Variants in COL22A1 observed in about 807,000 individuals in gnomAD.
COL22A1 encodes the protein collagen alpha-1(XXII) chain.
Under a neutral mutation model 248.9 loss-of-function variants are expected in COL22A1, and 221 were observed. The ratio of observed to expected loss-of-function variants is 0.89; its 90% confidence interval spans 0.80 to 0.99. COL22A1 has a LOEUF of 0.99. Among genes scored for constraint, COL22A1 ranks in the 50% least tolerant of loss-of-function variants. COL22A1 has a pLI of 0.00. For missense variants in COL22A1, 2,240 were observed against 2,179.0 expected (o/e 1.03, Z -0.56); for synonymous variants, 891 against 793.4 (o/e 1.12, Z -2.07).
chr8:138,673,206 G>A (rs1046892719), intron 41 of COL22A1, among the ~76,000 whole-genome samples: 5 of 130,602 alleles, frequency 3.8e-5, no homozygotes, highest in East Asian at 2.3e-4. Context: ...ACTTACAGCC[G>A]ATCTATTTTT....
chr8:138,674,623 G>A (rs1484720917), intron 41 of COL22A1, among the ~76,000 whole-genome samples: 3 of 152,236 alleles, frequency 2.0e-5, no homozygotes, highest in African/African-American at 4.8e-5. Context: ...CTGGCTCTTC[G>A]GTGGCAGGTG....
chr8:138,806,028 G>GAT (rs1563787939), intron 10 of COL22A1, among the ~76,000 whole-genome samples: 2 of 106,810 alleles, frequency 1.9e-5, no homozygotes, highest in East Asian at 2.2e-4. Context: ...AATGGTGTGT[G>GAT]GTTGTGTGTG....
At chr8:138,768,898 T>A (rs1037367574) in intron 16 of COL22A1, among the ~76,000 whole-genome samples, 1 of 151,966 alleles carries the variant, frequency 6.6e-6, no homozygotes, top group East Asian at 1.9e-4. Context: ...GATAGTGCCA[T>A]TGCACTCCAG....
chr8:138,742,546 G>A (rs1430556397), intron 22 of COL22A1, among the ~76,000 whole-genome samples: 2 of 152,048 alleles, frequency 1.3e-5, no homozygotes, highest in East Asian at 1.9e-4. Flanking sequence ...TGGAGTTGAT[G>A]AGGGTGATGG....
At chr8:138,744,806 A>G (rs1831974688) in intron 22 of COL22A1, among the ~76,000 whole-genome samples, 1 of 152,042 alleles carries the variant, frequency 6.6e-6, no homozygotes, top group Non-Finnish European at 1.5e-5. Context: ...TACATCTATA[A>G]AGAGAGATTC....
intron 4 of COL22A1, among the ~76,000 whole-genome samples, chr8:138,837,415 G>C (rs73366890): frequency 0.014 from 2,185 of 152,298 alleles, 47 homozygotes; most frequent in African/African-American, 0.049. Context: ...AGCACTCCCT[G>C]TCCCTCATCT....
rs151154397 is a variant in COL22A1, at chr8:138,912,530, C to T, written c.-73+1089G>A. 6.7e-3 allele frequency among the ~76,000 whole-genome samples: 1,024 copies of T among 152,196 alleles called. 11 individuals carry two copies. Among genetic ancestry groups the T allele is most frequent in the African/African-American group, 0.023 (974 of 41,528 alleles). The stretch of plus-strand genomic sequence containing the variant: ...CCAAGGTGGGCGGATCACCTGAGGT[C>T]GGGAGTTGGAGACCAGTCTGACCAA... On this transcript the variant is annotated intron_variant, in intron 1 of 64. Coordinates refer to ENST00000303045, the MANE Select transcript of COL22A1 (RefSeq NM_152888.3).
chr8:138,718,468 C>G (rs1177462697), intron 27 of COL22A1, among the ~76,000 whole-genome samples: 1 of 152,160 alleles, frequency 6.6e-6, no homozygotes, highest in Non-Finnish European at 1.5e-5. Flanking sequence ...GAACACCAAT[C>G]CAAAGGCACA....
At chr8:138,911,614 A>G (rs1325801745) in intron 1 of COL22A1, among the ~76,000 whole-genome samples, 1 of 152,218 alleles carries the variant, frequency 6.6e-6, no homozygotes, top group African/African-American at 2.4e-5. Context: ...GATTCCAGCC[A>G]AAAGAGAAAC....
chr8:138,613,625 A>G (rs1384417950), intron 56 of COL22A1, among the ~76,000 whole-genome samples: 1 of 151,482 alleles, frequency 6.6e-6, no homozygotes, highest in Non-Finnish European at 1.5e-5. Context: ...ATAGAGCTCC[A>G]GCAGTGCCCC....
chr8:138,737,447 TGA>T (rs1172037681), intron 23 of COL22A1, 75 bp downstream of exon 23: 1 of 1,075,688 alleles, frequency 9.3e-7, no homozygotes, highest in Non-Finnish European at 1.4e-6. Context: ...GCTGCCCACC[TGA>T]GAGCTGCTGC....
chr8:138,760,329 G>T, intron 17 of COL22A1, 42 bp from the exon 18 acceptor site: 2 of 1,563,774 alleles, frequency 1.3e-6, no homozygotes, highest in Admixed American at 3.6e-5. Context: ...TGGGCACTAC[G>T]GATACGGTGG....
intron 47 of COL22A1, 31 bp downstream of exon 47, chr8:138,646,598 T>A (rs77067007): frequency 2.2e-4 from 335 of 1,528,802 alleles, no homozygotes; most frequent in Non-Finnish European, 2.9e-4. Flanking sequence ...GCAGAATAGA[T>A]CCATGCAGAT....
At chr8:138,617,176 G>T (rs1267108463) in intron 53 of COL22A1, among the ~76,000 whole-genome samples, 1 of 152,162 alleles carries the variant, frequency 6.6e-6, no homozygotes, top group African/African-American at 2.4e-5. Context: ...CTGTGGGAAG[G>T]GCTGCCAGGG....
rs1389915577 is a variant in COL22A1, at chr8:138,664,207, G to GCA, written c.3151-468_3151-467insTG. 2.1e-3 allele frequency among the ~76,000 whole-genome samples: 181 copies of GCA among 87,566 alleles called. 1 individual carries two copies. Among genetic ancestry groups the GCA allele is most frequent in the African/African-American group, 5.9e-3 (158 of 26,740 alleles). 57.4% of individuals were successfully genotyped at this position (87,566 alleles called of 152,430 possible). A position where few individuals can be genotyped will look rare whatever the true frequency, so the allele number is the denominator to read the frequency against. ...TCCAACAAGGGGTGCGCGCGCGCGC[G>GCA]CGCACACACACACACACACACACAC... On this transcript the variant is annotated intron_variant, in intron 41 of 64. Coordinates refer to ENST00000303045, the MANE Select transcript of COL22A1 (RefSeq NM_152888.3).
intron 4 of COL22A1, among the ~76,000 whole-genome samples, chr8:138,839,551 A>G (rs1820712435): frequency 6.6e-6 from 1 of 152,168 alleles, no homozygotes; most frequent in Non-Finnish European, 1.5e-5. Context: ...TGTTTAACGC[A>G]GCCCAAGGCA....
At chr8:138,706,822 C>T (rs1267326997) in intron 30 of COL22A1, among the ~76,000 whole-genome samples, 1 of 152,120 alleles carries the variant, frequency 6.6e-6, no homozygotes, top group African/African-American at 2.4e-5. Flanking sequence ...ACACAAAAAA[C>T]CCTTCAAAAA....
At chr8:138,732,164 A>G (rs1830757978) in intron 23 of COL22A1, among the ~76,000 whole-genome samples, 1 of 152,164 alleles carries the variant, frequency 6.6e-6, no homozygotes, top group Admixed American at 6.5e-5. Context: ...CCGCCAAAAA[A>G]TGTCTAGAAA....
intron 1 of COL22A1, among the ~76,000 whole-genome samples, chr8:138,896,978 A>AC (rs1404032335): frequency 6.6e-6 from 1 of 151,552 alleles, no homozygotes; most frequent in Non-Finnish European, 1.5e-5. Context: ...TTCTCAAAAA[A>AC]AAAAATCCAT....
Sources: gnomAD v4.1 joint callset for allele counts (sites outside exome capture counted in the v4.1 genomes callset) on GRCh38, gnomAD v4.1.1 for gene constraint, MANE v1.5 for transcripts, NCBI Gene and HGNC (gene_info 2026-07-23, HGNC 2026-07-21) for gene names.